GPC5: variants seen among roughly 807,000 people sequenced by gnomAD.
The protein encoded by GPC5 is glypican-5.
In GPC5, 47 loss-of-function variants were observed where a neutral mutation model predicts 53.9. That is an observed-to-expected ratio of 0.87 (90% CI 0.69 to 1.11). The LOEUF (loss-of-function observed/expected upper bound fraction) is 1.11. GPC5 is among the 50% of genes most tolerant of loss of function. GPC5 has a pLI of 0.00. For synonymous variants in GPC5, 286 were observed against 263.3 expected, an observed-to-expected ratio of 1.09 and a Z score of -0.84; for missense variants, 748 against 713.1, an observed-to-expected ratio of 1.05 and a Z score of -0.56.
intron 2 of GPC5, among the ~76,000 whole-genome samples, chr13:91,587,282 G>T (rs1210769082): frequency 6.6e-6 from 1 of 152,130 alleles, no homozygotes; most frequent in Non-Finnish European, 1.5e-5. Flanking sequence ...CAGAGTATAA[G>T]TATACAACTA....
intron 7 of GPC5, among the ~76,000 whole-genome samples, chr13:92,735,439 T>C (rs1396854999): frequency 1.3e-5 from 2 of 151,964 alleles, no homozygotes; most frequent in Non-Finnish European, 2.9e-5. Flanking sequence ...TAAATACTGA[T>C]TCTTCTTCTC....
At chr13:92,470,523 AG>A (rs1339680795) in intron 7 of GPC5, among the ~76,000 whole-genome samples, 1 of 152,062 alleles carries the variant, frequency 6.6e-6, no homozygotes, top group African/African-American at 2.4e-5. Flanking sequence ...CAGGTCTAAG[AG>A]AAGAGAAAAA....
At chr13:91,546,758 TA>T (rs1259207562) in intron 2 of GPC5, among the ~76,000 whole-genome samples, 3 of 152,124 alleles carry the variant, frequency 2.0e-5, no homozygotes, top group African/African-American at 7.2e-5. Flanking sequence ...TCGAGGATTT[TA>T]AACTTTGACA....
chr13:92,849,317 G>A (rs1003100439), intron 7 of GPC5, among the ~76,000 whole-genome samples: 7 of 152,140 alleles, frequency 4.6e-5, no homozygotes, highest in Non-Finnish European at 8.8e-5. Flanking sequence ...TAAGAATAAT[G>A]TACACAGAAT....
chr13:92,154,265 C>T (rs953308938), intron 7 of GPC5, among the ~76,000 whole-genome samples: 1 of 152,150 alleles, frequency 6.6e-6, no homozygotes, highest in Non-Finnish European at 1.5e-5. Flanking sequence ...CCCCATGACC[C>T]AAACACCTCC....
At chr13:91,522,711 C>T (rs539674976) in intron 2 of GPC5, among the ~76,000 whole-genome samples, 5 of 152,212 alleles carry the variant, frequency 3.3e-5, no homozygotes, top group East Asian at 1.9e-4. Context: ...TTCCCTACCC[C>T]GTGTCCAGGT....
chr13:91,899,685 T>A (rs900695883), intron 5 of GPC5, among the ~76,000 whole-genome samples: 1 of 152,060 alleles, frequency 6.6e-6, no homozygotes, highest in African/African-American at 2.4e-5. Context: ...CTAAATCCAA[T>A]GTAAATGTCC....
chr13:92,244,750 A>G (rs556705199), intron 7 of GPC5, among the ~76,000 whole-genome samples: 5 of 152,198 alleles, frequency 3.3e-5, no homozygotes, highest in African/African-American at 7.2e-5. Flanking sequence ...TTAAAATTGC[A>G]TATTGTTGGC....
chr13:92,199,828 A>T lies in GPC5; in HGVS notation c.1561+54839A>T, dbSNP rs193117761. ...TATCAATTTAAACACAATTTTTTTT[A>T]AAAAAAGCCACAAGAAATCCCTCTA... On this transcript the variant is annotated intron_variant, in intron 7 of 7. Transcript: ENST00000377067. Among the ~76,000 whole-genome samples, 1,119 of 152,126 alleles carry T rather than the reference A, an allele frequency of 7.4e-3. 22 individuals are homozygous for T. The highest frequency in any genetic ancestry group is 0.025 in the African/African-American group (1,045 of 41,500).
chr13:92,189,193 G>A (rs2042205044), intron 7 of GPC5, among the ~76,000 whole-genome samples: 1 of 152,142 alleles, frequency 6.6e-6, no homozygotes, highest in Admixed American at 6.5e-5. Flanking sequence ...GGGGAGAAAA[G>A]GAACCATTTA....
At chr13:92,556,890 T>C (rs1882512989) in intron 7 of GPC5, among the ~76,000 whole-genome samples, 1 of 151,908 alleles carries the variant, frequency 6.6e-6, no homozygotes, top group Admixed American at 6.6e-5. Flanking sequence ...TATTATAGTC[T>C]GGTATGTAAG....
intron 2 of GPC5, among the ~76,000 whole-genome samples, chr13:91,687,994 T>C (rs1455796843): frequency 1.3e-5 from 2 of 152,062 alleles, no homozygotes; most frequent in Non-Finnish European, 2.9e-5. Context: ...TATATGTCTA[T>C]TACGTTTTTG....
At chr13:92,177,539 T>A (rs1282458111) in intron 7 of GPC5, among the ~76,000 whole-genome samples, 2 of 152,174 alleles carry the variant, frequency 1.3e-5, no homozygotes, top group Non-Finnish European at 2.9e-5. Flanking sequence ...TCTTTTATAT[T>A]CTAATAACAG....
chr13:92,580,593 C>A (rs1244083380), intron 7 of GPC5, among the ~76,000 whole-genome samples: 1 of 152,104 alleles, frequency 6.6e-6, no homozygotes, highest in Non-Finnish European at 1.5e-5. Flanking sequence ...ATGGCACCAG[C>A]ATCTACTTGG....
intron 7 of GPC5, among the ~76,000 whole-genome samples, chr13:92,515,412 G>T (rs1880733614): frequency 6.6e-6 from 1 of 152,146 alleles, no homozygotes; most frequent in Non-Finnish European, 1.5e-5. Context: ...TAATTCCAGA[G>T]ATTTTTGGTT....
intron 5 of GPC5, among the ~76,000 whole-genome samples, chr13:91,903,197 CT>C (rs2039516966): frequency 6.6e-6 from 1 of 151,982 alleles, no homozygotes; most frequent in African/African-American, 2.4e-5. Context: ...AGAATATGTT[CT>C]GTATCTTGCT....
intron 6 of GPC5, among the ~76,000 whole-genome samples, chr13:91,914,664 T>TCATATAA (rs2039641435): frequency 1.5e-5 from 1 of 65,870 alleles, no homozygotes; most frequent in Non-Finnish European, 3.5e-5. Flanking sequence ...CACTCTGTTC[T>TCATATAA]TAGGATACCG....
intron 6 of GPC5, among the ~76,000 whole-genome samples, chr13:91,936,399 A>G (rs1160849782): frequency 6.6e-6 from 1 of 151,960 alleles, no homozygotes; most frequent in Non-Finnish European, 1.5e-5. Context: ...CTTATTTTCC[A>G]CTGACAAAAG....
intron 7 of GPC5, among the ~76,000 whole-genome samples, chr13:92,847,020 C>T (rs1291217318): frequency 6.6e-6 from 1 of 152,090 alleles, no homozygotes; most frequent in Admixed American, 6.6e-5. Context: ...AATCATTTCT[C>T]TCTGGTCCCC....
Sources: gnomAD v4.1 joint callset for allele counts (sites outside exome capture counted in the v4.1 genomes callset) on GRCh38, gnomAD v4.1.1 for gene constraint, MANE v1.5 for transcripts, NCBI Gene and HGNC (gene_info 2026-07-23, HGNC 2026-07-21) for gene names.